Variants in TG observed in about 807,000 individuals in gnomAD.
The protein encoded by TG is thyroglobulin.
A neutral mutation model predicts 324.7 loss-of-function variants in TG; 270 were observed. The ratio of observed to expected loss-of-function variants is 0.83; its 90% CI spans 0.75 to 0.92. TG has a LOEUF of 0.92. Among genes scored for constraint, TG ranks in the 40% least tolerant of loss-of-function variants. The probability of loss-of-function intolerance (pLI) is 0.00; values close to 1 mark genes in which losing one functional copy is unlikely to be tolerated. For missense variants in TG, 3,591 were observed against 3,456.4 expected, an observed-to-expected ratio of 1.04 and a Z score of -0.98; for synonymous variants, 1,401 against 1,327.0, an observed-to-expected ratio of 1.06 and a Z score of -1.21.
intron 41 of TG, chr8:133,037,150 T>C (rs1837252577): frequency 6.6e-6 from 1 of 152,216 alleles, no homozygotes. Flanking sequence ...ACTGCAAGCA[T>C]GTTCCCCTCC....
In TG at chr8:133,105,172, G is replaced by A. The variant is rs150183459; in HGVS notation, c.7573-8250G>A. On this transcript the variant is annotated intron_variant, in intron 43 of 47. Coordinates refer to ENST00000220616, the MANE Select transcript of TG (RefSeq NM_003235.5). ...TCTGTGTCTCCTTCTTCCCCAACCT[G>A]TGATGTTACAACCATTTTTCAAAAA... is the stretch of plus-strand genomic sequence containing the variant. Among the ~76,000 whole-genome samples, 279 of 152,284 alleles carry A rather than the reference G, an allele frequency of 1.8e-3. 7 individuals carry two copies. In the East Asian group the frequency reaches 0.046, roughly 25 times the overall value.
chr8:133,095,976 C>T (rs1425563204), intron 42 of TG, among the ~76,000 whole-genome samples: 2 of 152,182 alleles, frequency 1.3e-5, no homozygotes, highest in African/African-American at 4.8e-5. Context: ...CTGCTGTTAC[C>T]TCTGGGATGC....
intron 25 of TG, among the ~76,000 whole-genome samples, chr8:132,936,796 C>T (rs1053782321): frequency 5.3e-5 from 8 of 152,196 alleles, no homozygotes; most frequent in Admixed American, 3.3e-4. Flanking sequence ...CTGAGCCATG[C>T]GCTCTGGGCC....
chr8:132,974,175 G>A (rs1162173494), intron 34 of TG, among the ~76,000 whole-genome samples: 1 of 151,882 alleles, frequency 6.6e-6, no homozygotes, highest in Non-Finnish European at 1.5e-5. Flanking sequence ...TGTATTTTCA[G>A]TAGAGATGGG....
intron 10 of TG, among the ~76,000 whole-genome samples, chr8:132,890,407 T>TGATACTC (rs1166111250): frequency 6.6e-6 from 1 of 152,218 alleles, no homozygotes; most frequent in African/African-American, 2.4e-5. Context: ...TGAAAGGGTT[T>TGATACTC]GATACTCAAA....
chr8:132,888,588 G>C lies in TG; in HGVS notation c.2761+20G>C, dbSNP rs181478804. 9.6e-4 allele frequency: 1,522 copies of C among 1,590,168 alleles called. 13 individuals carry two copies. The African/African-American group carries it at 0.017, about 18-fold the overall frequency. On this transcript the variant is annotated intron_variant, in intron 10 of 47. Transcript: ENST00000220616. ...CAACATGTGAGCTAACGCATATGAA[G>C]AGTTAAATGTGTGTGTGTGTGTGTG...
chr8:132,909,777 G>T, intron 18 of TG, among the ~76,000 whole-genome samples: 1 of 152,150 alleles, frequency 6.6e-6, no homozygotes, highest in East Asian at 1.9e-4. Flanking sequence ...GTGAGATAAC[G>T]TACAAATCCA....
chr8:133,087,112 ACACACACACACG>A (rs1846710477), intron 41 of TG, among the ~76,000 whole-genome samples: 4 of 117,782 alleles, frequency 3.4e-5, no homozygotes, highest in South Asian at 2.9e-4. Flanking sequence ...ACACACACAC[ACACACACACACG>A]GAAGAGACAT....
rs1554731090 is a variant in TG, at chr8:133,131,856, T to A, written c.7907T>A (p.Phe2636Tyr). 6.2e-7 allele frequency: 1 copy of A among 1,614,228 alleles called. No homozygotes were observed. The highest frequency in any genetic ancestry group is 2.2e-5 in the East Asian group (1 of 44,888). Residue 2636 changes from phenylalanine to tyrosine, a missense_variant, in exon 46 of 48, where the codon TTC (phenylalanine) becomes TAC (tyrosine). Coordinates refer to ENST00000220616, the MANE Select transcript of TG (RefSeq NM_003235.5). ...GTTCAGTTTGCCTTGGGGCTTCCCTTCTACCCAGCCTACGAGGGGCAGTTT... is the reference window on the plus strand; with the variant it reads ...GTTCAGTTTGCCTTGGGGCTTCCCTACTACCCAGCCTACGAGGGGCAGTTT... ...ADVQFALGLPFYPAYEGQFSL... is the reference protein window; with the variant it reads ...ADVQFALGLPYYPAYEGQFSL...
Position 132,929,120 on chromosome 8 carries a change from G to T in TG, c.4744G>T (p.Asp1582Tyr). 1 of 1,613,950 alleles carries T rather than the reference G, an allele frequency of 6.2e-7. No individual in the cohort carries two copies. Among genetic ancestry groups the T allele is most frequent in the Non-Finnish European group, 8.5e-7 (1 of 1,180,004 alleles). Residue 1582 changes from aspartate to tyrosine, a missense_variant, in exon 23 of 48, where the codon GAC (aspartate) becomes TAC (tyrosine). Physicochemically the swap from Asp to Tyr is radical, Grantham distance 160. Coordinates refer to ENST00000220616, the MANE Select transcript of TG (RefSeq NM_003235.5). The stretch of plus-strand genomic sequence containing the variant: ...GGTTCCAGAATCAAAGGTGATCTTC[G>T]ACGCCAATGCTCCTGTGGCTGTCAG... ...EKVPESKVIFDANAPVAVRSK... is the reference protein window; with the variant it reads ...EKVPESKVIFYANAPVAVRSK...
intron 41 of TG, chr8:133,047,999 G>T (rs888711478): frequency 4.4e-6 from 4 of 913,812 alleles, no homozygotes; most frequent in African/African-American, 3.2e-5. Flanking sequence ...GCAGGAATGC[G>T]CCACCCACCG....
At chr8:132,888,937 G>A (rs1021380482) in intron 10 of TG, among the ~76,000 whole-genome samples, 3 of 152,112 alleles carry the variant, frequency 2.0e-5, no homozygotes, top group South Asian at 2.1e-4. Context: ...TTTAGTAATC[G>A]CTCCTATGTT....
At chr8:133,043,187 C>T (rs1374429317) in intron 41 of TG, among the ~76,000 whole-genome samples, 1 of 152,134 alleles carries the variant, frequency 6.6e-6, no homozygotes, top group Non-Finnish European at 1.5e-5. Flanking sequence ...CAGTGCTGCA[C>T]TGGGGTGAGA....
intron 19 of TG, 94 bp from the exon 20 acceptor site, chr8:132,912,953 T>C (rs1447843110): frequency 1.7e-6 from 2 of 1,166,546 alleles, no homozygotes; most frequent in Non-Finnish European, 1.3e-6. Context: ...CTCATTCCAG[T>C]CTGGATATTC....
Position 132,881,846 on chromosome 8 carries a change from A to G in TG, c.639-17A>G. ...TTGCCTTTATGAATGGTGACCGTAA[A>G]TCTCATTCTCTCCAAGGTTTCCAGA... On this transcript the variant is annotated splice_polypyrimidine_tract_variant and intron_variant, in intron 5 of 47. Transcript: ENST00000220616. The G allele has an allele frequency of 1.9e-6, 3 of 1,568,292 alleles. No homozygotes were observed. Among genetic ancestry groups the G allele is most frequent in the Non-Finnish European group, 2.6e-6 (3 of 1,137,952 alleles).
chr8:132,884,234 GACACTATTCA>G (rs1180972465), intron 8 of TG, among the ~76,000 whole-genome samples: 1 of 152,162 alleles, frequency 6.6e-6, no homozygotes, highest in Non-Finnish European at 1.5e-5. Context: ...AATTTTGAGG[GACACTATTCA>G]ACCCAGTATG....
At chr8:132,921,321 T>A (rs2132462286) in intron 21 of TG, among the ~76,000 whole-genome samples, 1 of 152,222 alleles carries the variant, frequency 6.6e-6, no homozygotes, top group East Asian at 1.9e-4. Context: ...GAGCATTGAT[T>A]GCATTTTCAT....
chr8:132,886,596 C>T lies in TG; in HGVS notation c.1224C>T (p.Cys408=). The part of the protein sequence containing the change: ...SPRVARFATS[C]PPTIKELFVD... ...GAGTAGCCAGATTTGCCACATCCTG[C>T]CCACCCACGATCAAGGAGCTCTTTG... Residue 408 remains cysteine, a synonymous_variant, in exon 9 of 48, where the codon TGC becomes TGT. Coordinates refer to ENST00000220616, the MANE Select transcript of TG (RefSeq NM_003235.5). 2 of 1,614,200 alleles carry T rather than the reference C, an allele frequency of 1.2e-6. No individual in the cohort carries two copies. Among genetic ancestry groups the T allele is most frequent in the Non-Finnish European group, 8.5e-7 (1 of 1,180,042 alleles).
chr8:133,081,584 A>G (rs1845751174), intron 41 of TG, among the ~76,000 whole-genome samples: 1 of 140,382 alleles, frequency 7.1e-6, no homozygotes, highest in African/African-American at 2.7e-5. Flanking sequence ...CTCAGGAAGA[A>G]GAAGAAAAAA....
Sources: gnomAD v4.1 joint callset for allele counts (sites outside exome capture counted in the v4.1 genomes callset) on GRCh38, gnomAD v4.1.1 for gene constraint, MANE v1.5 for transcripts, NCBI Gene and HGNC (gene_info 2026-07-23, HGNC 2026-07-21) for gene names.